Variants in NR3C2 observed in about 807,000 individuals in gnomAD.
NR3C2 encodes the protein mineralocorticoid receptor.
A neutral mutation model predicts 86.4 loss-of-function variants in NR3C2; 15 were observed. The observed-to-expected ratio is 0.17, with a 90% CI of 0.12 to 0.27. The LOEUF (loss-of-function observed/expected upper bound fraction) is 0.27. Among genes scored for constraint, NR3C2 ranks in the 10% least tolerant of loss-of-function variants. The pLI is 1.00. For synonymous variants in NR3C2, 458 were observed against 450.5 expected (o/e 1.02, Z -0.21); for missense variants, 960 against 1,195.6 (o/e 0.80, Z 2.91).
At chr4:148,152,283 G>T in intron 6 of NR3C2, 186 bp downstream of exon 6, 1 of 582,044 alleles carries the variant, frequency 1.7e-6, no homozygotes, top group Non-Finnish European at 3.0e-6. Flanking sequence ...ACACTCAGAA[G>T]CATACAGTAT....
At chr4:148,180,414 C>G (rs1291392712) in intron 4 of NR3C2, among the ~76,000 whole-genome samples, 1 of 152,062 alleles carries the variant, frequency 6.6e-6, no homozygotes, top group Non-Finnish European at 1.5e-5. Flanking sequence ...CTTTTTTCCT[C>G]CTTCCTGTTC....
intron 2 of NR3C2, among the ~76,000 whole-genome samples, chr4:148,323,464 G>GC (rs1343916275): frequency 6.9e-6 from 1 of 144,386 alleles, no homozygotes; most frequent in Admixed American, 6.9e-5. Flanking sequence ...AATGGCGGGC[G>GC]CCCCTCCCCC....
chr4:148,411,472 T>C (rs1344514869), intron 2 of NR3C2, among the ~76,000 whole-genome samples: 1 of 152,218 alleles, frequency 6.6e-6, no homozygotes, highest in Non-Finnish European at 1.5e-5. Flanking sequence ...GGTCAAGCAC[T>C]AATTAAATTT....
At chr4:148,127,491 C>A (rs1439091700) in intron 6 of NR3C2, among the ~76,000 whole-genome samples, 1 of 152,064 alleles carries the variant, frequency 6.6e-6, no homozygotes, top group Non-Finnish European at 1.5e-5. Context: ...AAATCCATGA[C>A]CAAAAGTCAC....
chr4:148,405,378 AG>A (rs536998594), intron 2 of NR3C2, among the ~76,000 whole-genome samples: 237 of 152,354 alleles, frequency 1.6e-3, no homozygotes, highest in Non-Finnish European at 2.7e-3. Flanking sequence ...GGACTAGGAA[AG>A]GGACAGTAGG....
At chr4:148,357,356 T>C (rs1161540055) in intron 2 of NR3C2, among the ~76,000 whole-genome samples, 4 of 152,182 alleles carry the variant, frequency 2.6e-5, no homozygotes, top group Admixed American at 2.6e-4. Flanking sequence ...AGAGTACCTA[T>C]GCTTTTTAAT....
chr4:148,201,764 T>C (rs1289172644), intron 3 of NR3C2, among the ~76,000 whole-genome samples: 1 of 152,146 alleles, frequency 6.6e-6, no homozygotes, highest in African/African-American at 2.4e-5. Context: ...TCCACTAATT[T>C]CATGTTCTAT....
intron 3 of NR3C2, among the ~76,000 whole-genome samples, chr4:148,243,205 T>G (rs911225856): frequency 6.6e-6 from 1 of 151,918 alleles, no homozygotes; most frequent in Non-Finnish European, 1.5e-5. Flanking sequence ...TAATTTTTGT[T>G]TTTTATAGAG....
chr4:148,406,423 A>C (rs766576625), intron 2 of NR3C2, among the ~76,000 whole-genome samples: 16 of 152,126 alleles, frequency 1.1e-4, no homozygotes, highest in Non-Finnish European at 1.8e-4. Flanking sequence ...TCTAGCCGAT[A>C]GGACGCAGAC....
At chr4:148,180,912 G>C (rs1361708000) in intron 4 of NR3C2, among the ~76,000 whole-genome samples, 1 of 152,078 alleles carries the variant, frequency 6.6e-6, no homozygotes, top group Non-Finnish European at 1.5e-5. Flanking sequence ...CCCAGTATTG[G>C]CGTTGTTTCC....
At chr4:148,443,645 G>A (rs1459086307), upstream of NR3C2, among the ~76,000 whole-genome samples, 2 of 152,160 alleles carry the variant, frequency 1.3e-5, no homozygotes, top group Non-Finnish European at 2.9e-5. Context: ...CCCGTTTTAG[G>A]CTCCCCGCTG....
At chr4:148,186,898 A>C (rs1482310032) in intron 4 of NR3C2, among the ~76,000 whole-genome samples, 1 of 150,592 alleles carries the variant, frequency 6.6e-6, no homozygotes, top group Non-Finnish European at 1.5e-5. Flanking sequence ...ATCACTTAGA[A>C]TAATACTCTC....
chr4:148,359,669 C>T (rs1049410303), intron 2 of NR3C2, among the ~76,000 whole-genome samples: 3 of 152,164 alleles, frequency 2.0e-5, no homozygotes, highest in African/African-American at 7.2e-5. Flanking sequence ...AGTCACCTCC[C>T]ACTTTCTCCA....
chr4:148,411,281 G>A (rs1288030214), intron 2 of NR3C2, among the ~76,000 whole-genome samples: 3 of 151,994 alleles, frequency 2.0e-5, no homozygotes, highest in Admixed American at 6.6e-5. Context: ...GAAAAATTTC[G>A]AATACAGAAG....
At chr4:148,401,173 G>T (rs1222111319) in intron 2 of NR3C2, among the ~76,000 whole-genome samples, 1 of 152,166 alleles carries the variant, frequency 6.6e-6, no homozygotes, top group Non-Finnish European at 1.5e-5. Flanking sequence ...TACCCACCAT[G>T]TGAACCAACT....
intron 2 of NR3C2, among the ~76,000 whole-genome samples, chr4:148,295,885 C>G (rs1173055122): frequency 1.3e-5 from 2 of 151,884 alleles, no homozygotes; most frequent in African/African-American, 4.8e-5. Flanking sequence ...ATTTGGAACA[C>G]ATATAGACTG....
chr4:148,315,593 ACTT>A (rs1390589422), intron 2 of NR3C2, among the ~76,000 whole-genome samples: 1 of 152,160 alleles, frequency 6.6e-6, no homozygotes, highest in Non-Finnish European at 1.5e-5. Flanking sequence ...TATCCAAAAC[ACTT>A]CTTCTGACAA....
chr4:148,237,505 T>G (rs1334165788), intron 3 of NR3C2, among the ~76,000 whole-genome samples: 1 of 152,166 alleles, frequency 6.6e-6, no homozygotes, highest in Admixed American at 6.5e-5. Flanking sequence ...ACTAAAAACT[T>G]AAAAACCACT....
At chr4:148,210,922 T>C (rs549671619) in intron 3 of NR3C2, among the ~76,000 whole-genome samples, 1 of 152,352 alleles carries the variant, frequency 6.6e-6, no homozygotes, top group Non-Finnish European at 1.5e-5. Flanking sequence ...TTAATCTCTA[T>C]TGCCCTGTGT....
Sources: allele counts gnomAD v4.1 joint callset (sites outside exome capture counted in the v4.1 genomes callset), GRCh38; gene constraint gnomAD v4.1.1; transcripts MANE v1.5; gene names NCBI Gene and HGNC (gene_info 2026-07-23, HGNC 2026-07-21).